Variants in BRAF observed in about 807,000 individuals in gnomAD.
BRAF encodes serine/threonine-protein kinase B-raf.
A neutral mutation model predicts 104.6 loss-of-function variants in BRAF; 16 were observed. The observed-to-expected ratio is 0.15, with a 90% CI of 0.10 to 0.23. The LOEUF is 0.23. Among genes scored for constraint, BRAF ranks in the 10% least tolerant of loss-of-function variants. The pLI, the probability that BRAF is intolerant of heterozygous loss-of-function variation, is 1.00. For synonymous variants in BRAF, 310 were observed against 341.6 expected, an observed-to-expected ratio of 0.91 and a Z score of 1.02; for missense variants, 541 against 937.3, an observed-to-expected ratio of 0.58 and a Z score of 5.52.
At chr7:140,820,491 T>A (rs1031677078) in intron 3 of BRAF, among the ~76,000 whole-genome samples, 4 of 152,264 alleles carry the variant, frequency 2.6e-5, no homozygotes, top group African/African-American at 9.6e-5. Context: ...AATAAATATA[T>A]AATCACCCTG....
intron 14 of BRAF, among the ~76,000 whole-genome samples, chr7:140,761,196 G>C (rs1395452963): frequency 6.6e-6 from 1 of 152,206 alleles, no homozygotes. Flanking sequence ...TCTCTCAGCA[G>C]AAACTCTACA....
At chr7:140,733,461 C>T (rs1796139570) in intron 19 of BRAF, 1 of 152,144 alleles carries the variant, frequency 6.6e-6, no homozygotes, top group Admixed American at 6.5e-5. Context: ...CTTTTGATTC[C>T]CTCTGAATCA....
At chr7:140,803,525 TA>T (rs905693321) in intron 5 of BRAF, among the ~76,000 whole-genome samples, 11 of 151,944 alleles carry the variant, frequency 7.2e-5, no homozygotes, top group Admixed American at 4.6e-4. Flanking sequence ...CTAATCTTAC[TA>T]AAAAAAATAA....
intron 1 of BRAF, among the ~76,000 whole-genome samples, chr7:140,879,732 T>C (rs573252034): frequency 9.5e-5 from 12 of 126,610 alleles, no homozygotes; most frequent in African/African-American, 5.8e-4. Flanking sequence ...GGCAATTTCT[T>C]TCTTTTTTTT....
chr7:140,757,410 C>T (rs900026717), intron 14 of BRAF, among the ~76,000 whole-genome samples: 37 of 152,012 alleles, frequency 2.4e-4, no homozygotes, highest in African/African-American at 8.5e-4. Flanking sequence ...CTGCCTCAGC[C>T]TCCTGAGTAG....
chr7:140,789,530 C>T lies in BRAF; in HGVS notation c.1141-1946G>A, dbSNP rs546759405. Reference sequence around the variant, plus strand: ...AAATACGTACCTGAAAAGAAGGTGACAGGAGTTATATGGCTACTAACAAAT... The same window carrying T: ...AAATACGTACCTGAAAAGAAGGTGATAGGAGTTATATGGCTACTAACAAAT... On this transcript the variant is annotated intron_variant, in intron 8 of 19. Coordinates refer to ENST00000644969, the MANE Select transcript of BRAF (RefSeq NM_001374258.1). Among the ~76,000 whole-genome samples, 16 of 152,272 alleles carry T rather than the reference C, an allele frequency of 1.1e-4. No individual in the cohort carries two copies. The South Asian group carries it at 1.4e-3, about 14-fold the overall frequency.
chr7:140,776,857 C>T (rs2129018017), intron 14 of BRAF, 55 bp downstream of exon 13: 1 of 1,547,062 alleles, frequency 6.5e-7, no homozygotes, highest in Non-Finnish European at 8.9e-7. Flanking sequence ...ACCTTTAAAA[C>T]ATCCTCAATG....
intron 14 of BRAF, among the ~76,000 whole-genome samples, chr7:140,767,163 C>T (rs1351413578): frequency 1.3e-5 from 2 of 152,140 alleles, no homozygotes; most frequent in East Asian, 3.9e-4. Flanking sequence ...ACCACCACGC[C>T]TGGCTAATTT....
chr7:140,735,024 G>A (rs1449559583), intron 18 of BRAF, among the ~76,000 whole-genome samples: 1 of 152,090 alleles, frequency 6.6e-6, no homozygotes, highest in Non-Finnish European at 1.5e-5. Context: ...AATGGGGAGA[G>A]TAATTCTTAG....
chr7:140,870,979 G>A (rs1049889598), intron 1 of BRAF, among the ~76,000 whole-genome samples: 2 of 151,842 alleles, frequency 1.3e-5, no homozygotes, highest in African/African-American at 4.8e-5. Flanking sequence ...CGTAATCCCA[G>A]CACTTTGGGA....
At chr7:140,821,011 C>CT (rs1466084281) in intron 3 of BRAF, among the ~76,000 whole-genome samples, 2 of 152,144 alleles carry the variant, frequency 1.3e-5, no homozygotes, top group African/African-American at 2.4e-5. Context: ...TCTAGAAAGT[C>CT]TTTTTTTAAG....
At chr7:140,891,451 G>A (rs1004174162) in intron 1 of BRAF, among the ~76,000 whole-genome samples, 3 of 152,118 alleles carry the variant, frequency 2.0e-5, no homozygotes, top group South Asian at 4.1e-4. Flanking sequence ...CTAATATAAT[G>A]TAAATGTTAT....
intron 1 of BRAF, among the ~76,000 whole-genome samples, chr7:140,911,959 T>C (rs1302364684): frequency 6.6e-6 from 1 of 152,154 alleles, no homozygotes; most frequent in African/African-American, 2.4e-5. Context: ...TGAAGATCAG[T>C]ACCAAAAAGT....
intron 5 of BRAF, among the ~76,000 whole-genome samples, chr7:140,802,794 T>C (rs1242220665): frequency 6.6e-6 from 1 of 152,196 alleles, no homozygotes; most frequent in Non-Finnish European, 1.5e-5. Flanking sequence ...TTTTTTACTT[T>C]ATAAACTTTT....
At chr7:140,789,737 G>A (rs1801758697) in intron 8 of BRAF, among the ~76,000 whole-genome samples, 1 of 152,144 alleles carries the variant, frequency 6.6e-6, no homozygotes, top group Admixed American at 6.6e-5. Flanking sequence ...TGATACAGGT[G>A]ATAAGATTTT....
At chr7:140,739,296 A>G (rs1167680108) in intron 18 of BRAF, among the ~76,000 whole-genome samples, 1 of 152,170 alleles carries the variant, frequency 6.6e-6, no homozygotes, top group Non-Finnish European at 1.5e-5. Flanking sequence ...TTGCAATGTG[A>G]GTGCAAAAGC....
intron 1 of BRAF, among the ~76,000 whole-genome samples, chr7:140,923,700 A>G (rs1818517437): frequency 1.3e-5 from 2 of 152,216 alleles, no homozygotes; most frequent in Non-Finnish European, 1.5e-5. Flanking sequence ...AAGTAGCTCC[A>G]AAGTGTCCAG....
At chr7:140,728,380 C>A (rs1795732489) in intron 19 of BRAF, among the ~76,000 whole-genome samples, 1 of 152,164 alleles carries the variant, frequency 6.6e-6, no homozygotes, top group Admixed American at 6.5e-5. Context: ...TTTTCCCAAT[C>A]TGAATACAAC....
rs772565381 is a variant in BRAF at position 140,800,487 on chromosome 7, A to T, written c.861-6T>A. The T allele has an allele frequency of 6.2e-7, 1 of 1,614,144 alleles. No individual in the cohort carries two copies. Among genetic ancestry groups the T allele is most frequent in the Non-Finnish European group, 8.5e-7 (1 of 1,179,986 alleles). On this transcript the variant is annotated splice_polypyrimidine_tract_variant and splice_region_variant and intron_variant, in intron 6 of 19. Coordinates refer to ENST00000644969, the MANE Select transcript of BRAF (RefSeq NM_001374258.1). The stretch of plus-strand genomic sequence containing the variant: ...ACTTGGAGACAAACAGCAAACTGTG[A>T]GGCAAAACAAAACAAACCTAACTTG...
Sources: allele counts gnomAD v4.1 joint callset (sites outside exome capture counted in the v4.1 genomes callset), GRCh38; gene constraint gnomAD v4.1.1; transcripts MANE v1.5; gene names NCBI Gene and HGNC (gene_info 2026-07-23, HGNC 2026-07-21).